ATP11A: variants seen among roughly 807,000 people sequenced by gnomAD.
The protein encoded by ATP11A is phospholipid-transporting ATPase IH.
ATP11A carries 81 observed loss-of-function variants against 154.4 expected under a neutral mutation model. The ratio of observed to expected loss-of-function variants is 0.52; its 90% CI spans 0.44 to 0.63. The LOEUF is 0.63. Ranked by LOEUF, ATP11A falls within the 30% of genes least tolerant of loss-of-function variation. ATP11A has a pLI of 0.00. For missense variants in ATP11A, 1,316 were observed against 1,474.3 expected, an observed-to-expected ratio of 0.89 and a Z score of 1.76; for synonymous variants, 623 against 585.9, an observed-to-expected ratio of 1.06 and a Z score of -0.91.
intron 1 of ATP11A, among the ~76,000 whole-genome samples, chr13:112,724,488 C>T (rs967809511): frequency 1.4e-5 from 2 of 139,198 alleles, no homozygotes; most frequent in African/African-American, 6.3e-5. Context: ...GGAGCTGTCA[C>T]GTGGCCCTCC....
Position 112,862,525 on chromosome 13 carries a change from T to C in ATP11A, c.2941T>C (p.Phe981Leu), listed in dbSNP as rs2080142853. The change falls in exon 25 of 30, where the codon TTT becomes CTT. Residue 981 changes from phenylalanine (F) to leucine (L), a missense_variant. By Grantham distance (22) the Phe-to-Leu change is conservative. This residue lies in a region of ATP11A where 294 missense variants were observed against 290.2 expected (regional missense o/e 1.01). Coordinates refer to ENST00000375645, the MANE Select transcript of ATP11A (RefSeq NM_015205.3). The stretch of plus-strand genomic sequence containing the variant: ...ACTGTTTGACGCACTGGTGTTCTTC[T>C]TTGGTGCTTATTTCGTGTTTGAAAA... ...LGLFDALVFF[F>L]GAYFVFENTT... The C allele has an allele frequency of 6.2e-7, 1 of 1,614,092 alleles. No homozygotes were observed. The highest frequency in any genetic ancestry group is 8.5e-7 in the Non-Finnish European group (1 of 1,180,028).
rs775593463 is a variant in ATP11A at position 112,871,800 on chromosome 13, G to T, written c.3057G>T (p.Lys1019Asn). The change falls in exon 26 of 30, where the codon AAG becomes AAT. Residue 1019 changes from lysine (K) to asparagine (N), a missense_variant and splice_region_variant. Around this residue, in one of 5 missense-constraint regions of ATP11A, gnomAD observed 294 missense variants for 290.2 expected, o/e 1.01. Transcript: ENST00000375645. ...FTVMVFTVTL[K>N]LALDTHYWTW... ...TGATGGTGTTCACAGTTACACTAAA[G>T]GTAAGTGGTCTCGCGCTCACGTTCC... is the stretch of plus-strand genomic sequence containing the variant. 1 of 1,614,062 alleles carries T rather than the reference G, an allele frequency of 6.2e-7. No individual in the cohort carries two copies. Among genetic ancestry groups the T allele is most frequent in the Admixed American group, 1.7e-5 (1 of 60,024 alleles).
At chr13:112,720,588 T>G (rs888853399) in intron 1 of ATP11A, among the ~76,000 whole-genome samples, 3 of 152,064 alleles carry the variant, frequency 2.0e-5, no homozygotes, top group Admixed American at 2.0e-4. Flanking sequence ...AGACGGAGTC[T>G]CGCTCTGTCG....
At chr13:112,864,769 C>T in intron 25 of ATP11A, among the ~76,000 whole-genome samples, 1 of 71,458 alleles carries the variant, frequency 1.4e-5, no homozygotes, top group African/African-American at 1.2e-4. Context: ...CACAGTAATT[C>T]AGTGCGGCCC....
At chr13:112,768,922 G>A (rs2077162323) in intron 1 of ATP11A, among the ~76,000 whole-genome samples, 1 of 152,152 alleles carries the variant, frequency 6.6e-6, no homozygotes. Flanking sequence ...CCGATTCCTG[G>A]TGCTCTCTTG....
intron 25 of ATP11A, among the ~76,000 whole-genome samples, chr13:112,869,504 G>A (rs937175039): frequency 2.0e-5 from 3 of 152,236 alleles, no homozygotes; most frequent in African/African-American, 7.2e-5. Flanking sequence ...ATCACCTGTG[G>A]CGCTGTTGGT....
At chr13:112,693,253 CGT>C (rs1334182953) in intron 1 of ATP11A, among the ~76,000 whole-genome samples, 2 of 152,026 alleles carry the variant, frequency 1.3e-5, no homozygotes, top group African/African-American at 4.8e-5. Context: ...TAAATGGTGC[CGT>C]GTTTGTATAC....
chr13:112,825,561 C>T lies in ATP11A; in HGVS notation c.1004C>T (p.Ser335Leu), dbSNP rs766679862. 6.2e-6 allele frequency: 10 copies of T among 1,612,972 alleles called. No homozygotes were observed. In the Admixed American group the frequency reaches 6.7e-5, roughly 11 times the overall value. The change falls in exon 11 of 30, where the codon TCG becomes TTG. Residue 335 changes from serine to leucine, a missense_variant. This residue lies in a region of ATP11A where 876 missense variants were observed against 1,006.8 expected (regional missense o/e 0.87). Coordinates refer to ENST00000375645, the MANE Select transcript of ATP11A (RefSeq NM_015205.3). The part of the protein sequence containing the change: ...DEPWYNQKTE[S>L]ERQRNLFLKA... ...CCGTGGTATAATCAGAAAACGGAGT[C>T]GGAAAGGCAGAGGAATCTGGTATGG...
chr13:112,732,435 T>C (rs1890580932), intron 1 of ATP11A, among the ~76,000 whole-genome samples: 1 of 152,100 alleles, frequency 6.6e-6, no homozygotes, highest in South Asian at 2.1e-4. Flanking sequence ...CAGCTGTGTC[T>C]CTCTCCATCT....
rs967472474 is a variant in ATP11A, at chr13:112,718,507, G to A, written c.39+28052G>A. ...CCCAGAGGGCAGCCGCCTCCGCTGG[G>A]GGTCCTCCCTCCGAGGTGTGTGCGG... On this transcript the variant is annotated intron_variant, in intron 1 of 29. Transcript: ENST00000375645. Among the ~76,000 whole-genome samples, 8 of 152,282 alleles carry A rather than the reference G, an allele frequency of 5.3e-5. 1 individual carries two copies. The highest frequency in any genetic ancestry group is 6.8e-3 in the Middle Eastern group (2 of 294).
At chr13:112,758,578 C>A (rs1400267100) in intron 1 of ATP11A, among the ~76,000 whole-genome samples, 1 of 151,972 alleles carries the variant, frequency 6.6e-6, no homozygotes, top group Non-Finnish European at 1.5e-5. Context: ...CGCCCGCCAC[C>A]ATGCCCGGCT....
intron 1 of ATP11A, among the ~76,000 whole-genome samples, chr13:112,764,526 G>A (rs1311382053): frequency 6.6e-6 from 1 of 152,230 alleles, no homozygotes; most frequent in African/African-American, 2.4e-5. Flanking sequence ...CCAGGCCTGG[G>A]CTGGGCCCCC....
intron 20 of ATP11A, 65 bp downstream of exon 20, chr13:112,856,150 A>T (rs371099976): frequency 2.0e-6 from 3 of 1,483,546 alleles, no homozygotes; most frequent in Non-Finnish European, 2.7e-6. Context: ...ACCTTCCGTT[A>T]GGTCTCACCG....
intron 1 of ATP11A, among the ~76,000 whole-genome samples, chr13:112,701,252 A>G (rs1302592728): frequency 6.6e-6 from 1 of 152,196 alleles, no homozygotes; most frequent in East Asian, 1.9e-4. Context: ...GGCAGTTACA[A>G]GTGTGTTAAG....
intron 25 of ATP11A, among the ~76,000 whole-genome samples, chr13:112,870,578 C>T (rs936831587): frequency 6.6e-6 from 1 of 152,206 alleles, no homozygotes; most frequent in Non-Finnish European, 1.5e-5. Context: ...GGGGTTTCAC[C>T]ATGTTGGCCA....
intron 28 of ATP11A, 96 bp from the exon 29 acceptor site, chr13:112,878,121 C>T (rs2080783873): frequency 8.7e-7 from 1 of 1,144,118 alleles, no homozygotes; most frequent in East Asian, 2.4e-5. Context: ...GTTTCTCTTT[C>T]CTTCCCATTT....
At chr13:112,742,389 C>A (rs1891654239) in intron 1 of ATP11A, among the ~76,000 whole-genome samples, 1 of 151,906 alleles carries the variant, frequency 6.6e-6, no homozygotes, top group Non-Finnish European at 1.5e-5. Flanking sequence ...ACGGAGGAGC[C>A]CCTGCGGGCG....
chr13:112,739,679 G>A (rs1429831051), intron 1 of ATP11A, among the ~76,000 whole-genome samples: 3 of 152,240 alleles, frequency 2.0e-5, no homozygotes, highest in South Asian at 2.1e-4. Flanking sequence ...AGATGTTCTT[G>A]TGTTCTTGGC....
Position 112,699,780 on chromosome 13 carries a change from G to T in ATP11A, c.39+9325G>T, listed in dbSNP as rs906114397. On this transcript the variant is annotated intron_variant, in intron 1 of 29. Coordinates refer to ENST00000375645, the MANE Select transcript of ATP11A (RefSeq NM_015205.3). ...TGTGCAGCCTCCTGCCGGGGAGCCT[G>T]TGTCCCACCTGGCTCTGCTCTGAGC... Among the ~76,000 whole-genome samples the T allele has an allele frequency of 7.9e-5, 12 of 152,192 alleles. No individual in the cohort carries two copies. In the South Asian group the frequency reaches 1.2e-3, roughly 16 times the overall value.
Sources: allele counts gnomAD v4.1 joint callset (sites outside exome capture counted in the v4.1 genomes callset), GRCh38; gene constraint gnomAD v4.1.1; regional missense constraint gnomAD v4.1.1; transcripts MANE v1.5; gene names NCBI Gene and HGNC (gene_info 2026-07-23, HGNC 2026-07-21).